GUCD1: variants seen among roughly 807,000 people sequenced by gnomAD.
GUCD1 encodes protein GUCD1.
GUCD1 carries 17 observed loss-of-function variants against 28.3 expected under a neutral mutation model. The ratio of observed to expected loss-of-function variants is 0.60; its 90% CI spans 0.41 to 0.90. The LOEUF (loss-of-function observed/expected upper bound fraction) is 0.90, where lower values mean the gene tolerates loss of function less well. Ranked by LOEUF, GUCD1 falls within the 40% of genes least tolerant of loss-of-function variation. GUCD1 has a pLI of 0.00. For missense variants in GUCD1, 279 were observed against 305.5 expected (o/e 0.91, Z 0.65); for synonymous variants, 129 against 123.3 (o/e 1.05, Z -0.30).
At chr22:24,555,684 TC>T, upstream of GUCD1, 2 of 1,550,614 alleles carry the variant, frequency 1.3e-6, no homozygotes, top group South Asian at 1.2e-5. Flanking sequence ...CCTCCTGCTG[TC>T]CCCGGTCTGA....
At position 24,543,081 on chromosome 22, in the gene GUCD1, G is replaced by A. The variant is rs776551490; in HGVS notation, c.645C>T (p.Ser215=). 4 of 1,613,848 alleles carry A rather than the reference G, an allele frequency of 2.5e-6. No individual in the cohort carries two copies. The South Asian group carries it at 3.3e-5, about 13-fold the overall frequency. Residue 215 remains serine (S), a synonymous_variant, in exon 6 of 6, where the codon AGC becomes AGT. Coordinates refer to ENST00000435822, the MANE Select transcript of GUCD1 (RefSeq NM_001284254.2). ...TTCTGGCCTCCTCAAAGTTACTGAT[G>A]CTGGTGCTGCACATTCCTGCTGGGG... The part of the protein sequence containing the change: ...PAYADRMCST[S]ISNFEEARTS...
chr22:24,549,659 C>G (rs117404009), intron 1 of GUCD1, among the ~76,000 whole-genome samples: 4,245 of 152,238 alleles, frequency 0.028, 90 homozygotes, highest in Middle Eastern at 0.065. Context: ...AGTCCACAGG[C>G]GTGCGCCACC....
In GUCD1 at chr22:24,543,839, C is replaced by T. The variant is rs2044654368; in HGVS notation, c.628+3G>A. 2 of 1,613,572 alleles carry T rather than the reference C, an allele frequency of 1.2e-6. No homozygotes were observed. Among genetic ancestry groups the T allele is most frequent in the African/African-American group, 1.3e-5 (1 of 75,000 alleles). On this transcript the variant is annotated splice_donor_region_variant and intron_variant, in intron 5 of 5. Transcript: ENST00000435822. Reference sequence around the variant, plus strand: ...TGCCTCACCCACCCCACCCAGCACTCACGGTCGGCATAGGCTGGGTTGTTG... The same window carrying T: ...TGCCTCACCCACCCCACCCAGCACTTACGGTCGGCATAGGCTGGGTTGTTG...
chr22:24,545,102 G>C (rs2044693025), intron 4 of GUCD1, among the ~76,000 whole-genome samples: 1 of 152,058 alleles, frequency 6.6e-6, no homozygotes, highest in Non-Finnish European at 1.5e-5. Context: ...GGGAGCTCTA[G>C]GCCAGGGGCT....
chr22:24,554,919 T>C, intron 1 of GUCD1, 30 bp downstream of exon 1: 1 of 1,530,398 alleles, frequency 6.5e-7, no homozygotes, highest in South Asian at 1.1e-5. Context: ...GTTCCTAGGG[T>C]GAAGACTGGG....
At chr22:24,548,768 T>G (rs1397777396) in intron 2 of GUCD1, 149 bp downstream of exon 2, 1 of 569,612 alleles carries the variant, frequency 1.8e-6, no homozygotes, top group East Asian at 2.9e-5. Flanking sequence ...CTTTTGCAGA[T>G]GGGACTAGGA....
intron 4 of GUCD1, 79 bp downstream of exon 4, chr22:24,546,835 A>G: frequency 1.5e-6 from 2 of 1,297,574 alleles, no homozygotes; most frequent in Non-Finnish European, 2.2e-6. Context: ...CCTGAACACC[A>G]TCCCGAGGCC....
In GUCD1 at chr22:24,547,557, G is replaced by A. The variant is rs1358639088; in HGVS notation, c.294+351C>T. ...TAAAAAAATGTGCAAATGATGGCCG[G>A]ATGAGGTCAGTGATGTTCTCAGAGG... On this transcript the variant is annotated intron_variant, in intron 3 of 5. Coordinates refer to ENST00000435822, the MANE Select transcript of GUCD1 (RefSeq NM_001284254.2). Among the ~76,000 whole-genome samples, 5 of 152,338 alleles carry A rather than the reference G, an allele frequency of 3.3e-5. No homozygotes were observed. In the South Asian group the frequency reaches 1.0e-3, roughly 32 times the overall value.
Position 24,546,951 on chromosome 22 carries a change from C to T in GUCD1, c.349G>A (p.Ala117Thr). The T allele has an allele frequency of 6.2e-7, 1 of 1,614,114 alleles. No individual in the cohort carries two copies. Among genetic ancestry groups the T allele is most frequent in the South Asian group, 1.1e-5 (1 of 91,078 alleles). Residue 117 changes from alanine to threonine, a missense_variant, in exon 4 of 6, where the codon GCA becomes ACA. Physicochemically the swap from Ala to Thr is moderately conservative, Grantham distance 58. Transcript: ENST00000435822. ...AGCACCTTGCAGGCCTTTGCTTGTG[C>T]AAACAGCTGATTCACCCGGGTCTCT... is the stretch of plus-strand genomic sequence containing the variant. The part of the protein sequence containing the change: ...TEETRVNQLF[A>T]QAKACKVLVE...
chr22:24,548,165 A>C (rs544719768), intron 2 of GUCD1, 92 bp from the exon 3 acceptor site: 2 of 1,066,168 alleles, frequency 1.9e-6, no homozygotes, highest in Non-Finnish European at 2.8e-6. Flanking sequence ...GCCCCGTCAC[A>C]GGTCCCATTC....
chr22:24,550,049 C>T (rs914389307), intron 1 of GUCD1, among the ~76,000 whole-genome samples: 4 of 152,200 alleles, frequency 2.6e-5, no homozygotes, highest in African/African-American at 4.8e-5. Flanking sequence ...GGCGACCTCT[C>T]GGTCTGTCTT....
Position 24,555,000 on chromosome 22 carries a change from C to G in GUCD1, c.-9G>C. The G allele has an allele frequency of 6.6e-7, 1 of 1,510,258 alleles. No individual in the cohort carries two copies. The highest frequency in any genetic ancestry group is 2.7e-5 in the East Asian group (1 of 37,684). 93.6% of individuals were successfully genotyped at this position (1,510,258 alleles called of 1,614,324 possible). A position where few individuals can be genotyped will look rare whatever the true frequency, so the allele number is the denominator to read the frequency against. On this transcript the variant is annotated 5_prime_UTR_variant, in exon 1 of 6. Coordinates refer to ENST00000435822, the MANE Select transcript of GUCD1 (RefSeq NM_001284254.2). The stretch of plus-strand genomic sequence containing the variant: ...TCCGCCTCCGTCCTCATGACCCGGG[C>G]GGCGCGGGGCGCCCATGGCCCCGGC...
rs766837867 is a variant in GUCD1 at position 24,540,741 on chromosome 22, G to A, written c.*2265C>T. 1.3e-5 allele frequency: 2 copies of A among 150,612 alleles called. No homozygotes were observed. The highest frequency in any genetic ancestry group is 2.5e-5 in the African/African-American group (1 of 39,702). The allele number at this position is 150,612 out of a possible 1,614,324, so 9.3% of individuals were successfully genotyped here. Reference sequence around the variant, plus strand: ...CCTCTGTGACCCTCCCTAGGCAGATGAGTCTTGAGAATGGGCAGCTTTCTC... The same window carrying A: ...CCTCTGTGACCCTCCCTAGGCAGATAAGTCTTGAGAATGGGCAGCTTTCTC... On this transcript the variant is annotated 3_prime_UTR_variant, in exon 6 of 6. Coordinates refer to ENST00000435822, the MANE Select transcript of GUCD1 (RefSeq NM_001284254.2).
intron 1 of GUCD1, among the ~76,000 whole-genome samples, chr22:24,549,606 G>A (rs2044821536): frequency 6.6e-6 from 1 of 152,120 alleles, no homozygotes; most frequent in Admixed American, 6.5e-5. Context: ...GCGATTCCCG[G>A]GTGGCAAGTA....
chr22:24,547,727 GCT>G (rs2044763635), intron 3 of GUCD1, 179 bp downstream of exon 3: 1 of 623,466 alleles, frequency 1.6e-6, no homozygotes, highest in South Asian at 1.9e-5. Context: ...AAGGGCACCT[GCT>G]CTGACTGGCT....
intron 2 of GUCD1, among the ~76,000 whole-genome samples, chr22:24,548,585 C>T (rs1361113866): frequency 2.6e-5 from 4 of 152,212 alleles, no homozygotes; most frequent in Non-Finnish European, 5.9e-5. Flanking sequence ...CTCAGCTTAA[C>T]GGTCAGCACC....
Position 24,547,014 on chromosome 22 carries a change from A to G in GUCD1, c.295-9T>C. 6.2e-7 allele frequency: 1 copy of G among 1,610,308 alleles called. No individual in the cohort carries two copies. The highest frequency in any genetic ancestry group is 8.5e-7 in the Non-Finnish European group (1 of 1,176,586). Reference sequence around the variant, plus strand: ...TGCTTCCTGTAGAAGGACTGAACAGAGAAGAGGGGGATGGAGTGGCCACCA... The same window carrying G: ...TGCTTCCTGTAGAAGGACTGAACAGGGAAGAGGGGGATGGAGTGGCCACCA... On this transcript the variant is annotated splice_polypyrimidine_tract_variant and intron_variant, in intron 3 of 5. Transcript: ENST00000435822.
At chr22:24,555,159 C>G, upstream of GUCD1, 7 of 1,310,520 alleles carry the variant, frequency 5.3e-6, no homozygotes, top group Non-Finnish European at 6.8e-6. Flanking sequence ...AAGCGCCGCC[C>G]CAGCCCTTCC....
At chr22:24,547,043 A>G in intron 3 of GUCD1, 38 bp from the exon 4 acceptor site, 1 of 1,495,858 alleles carries the variant, frequency 6.7e-7, no homozygotes, top group East Asian at 2.3e-5. Context: ...GCCACCACCC[A>G]GGCTGCCTTC....
Sources: gnomAD v4.1 joint callset for allele counts (sites outside exome capture counted in the v4.1 genomes callset) on GRCh38, gnomAD v4.1.1 for gene constraint, MANE v1.5 for transcripts, NCBI Gene and HGNC (gene_info 2026-07-23, HGNC 2026-07-21) for gene names.